ADAM9: variants seen among roughly 807,000 people sequenced by gnomAD.
ADAM9 encodes the protein disintegrin and metalloproteinase domain-containing protein 9.
A neutral mutation model predicts 108.1 loss-of-function variants in ADAM9; 54 were observed. That is an observed-to-expected ratio of 0.50 (90% CI 0.40 to 0.63). ADAM9 has a LOEUF of 0.63. Ranked by LOEUF, ADAM9 falls within the 20% of genes least tolerant of loss-of-function variation. The pLI, the probability that ADAM9 is intolerant of heterozygous loss-of-function variation, is 0.00. For synonymous variants in ADAM9, 316 were observed against 336.0 expected (o/e 0.94, Z 0.65); for missense variants, 830 against 997.7 (o/e 0.83, Z 2.26).
chr8:39,056,110 ATATATT>A (rs550054509), intron 14 of ADAM9, among the ~76,000 whole-genome samples: 128 of 152,216 alleles, frequency 8.4e-4, no homozygotes, highest in Non-Finnish European at 1.6e-3. Context: ...ATCTATATTG[ATATATT>A]TATATTATAG....
At chr8:39,087,561 T>C (rs1462376868) in intron 18 of ADAM9, among the ~76,000 whole-genome samples, 1 of 152,242 alleles carries the variant, frequency 6.6e-6, no homozygotes, top group Non-Finnish European at 1.5e-5. Context: ...ATTTTTCCAA[T>C]TGAAGAATCA....
chr8:39,059,484 C>T (rs180809529), intron 14 of ADAM9, among the ~76,000 whole-genome samples: 2 of 152,236 alleles, frequency 1.3e-5, no homozygotes, highest in Non-Finnish European at 2.9e-5. Flanking sequence ...CGCCTCCAAC[C>T]CTGCCACTGT....
intron 12 of ADAM9, among the ~76,000 whole-genome samples, chr8:39,052,869 G>T (rs1230872615): frequency 6.6e-6 from 1 of 152,086 alleles, no homozygotes; most frequent in African/African-American, 2.4e-5. Context: ...GAATGACTTG[G>T]TTAGATGGTA....
intron 16 of ADAM9, among the ~76,000 whole-genome samples, chr8:39,081,777 TGA>T (rs1283351587): frequency 5.3e-5 from 8 of 152,200 alleles, no homozygotes; most frequent in Admixed American, 5.2e-4. Context: ...TTATTTCATT[TGA>T]GCATTTAAAT....
intron 14 of ADAM9, among the ~76,000 whole-genome samples, chr8:39,067,089 C>G (rs993928571): frequency 6.6e-6 from 1 of 152,128 alleles, no homozygotes; most frequent in Non-Finnish European, 1.5e-5. Flanking sequence ...TCTGAGGGCT[C>G]TGTTCTGTTC....
At chr8:38,997,796 C>T (rs949460103) in intron 1 of ADAM9, among the ~76,000 whole-genome samples, 18 of 152,188 alleles carry the variant, frequency 1.2e-4, no homozygotes, top group Non-Finnish European at 2.1e-4. Context: ...CCAAACCATT[C>T]TTAAAAAATC....
intron 1 of ADAM9, among the ~76,000 whole-genome samples, chr8:38,999,825 G>T (rs774037784): frequency 6.6e-6 from 1 of 152,202 alleles, no homozygotes. Flanking sequence ...TCCCCCAAAA[G>T]ATGCAAGCTC....
chr8:39,065,646 C>T (rs183907217), intron 14 of ADAM9, among the ~76,000 whole-genome samples: 1,383 of 103,526 alleles, frequency 0.013, 14 homozygotes, highest in Admixed American at 0.021. Flanking sequence ...GGCGACAGTG[C>T]GAGGCTACAT....
intron 14 of ADAM9, among the ~76,000 whole-genome samples, chr8:39,063,939 G>T (rs984634577): frequency 5.3e-5 from 8 of 152,152 alleles, no homozygotes; most frequent in Non-Finnish European, 1.0e-4. Flanking sequence ...TCTCAGCTCT[G>T]CAACTACCGG....
chr8:39,038,503 A>G (rs1837354147), intron 11 of ADAM9, among the ~76,000 whole-genome samples: 2 of 152,274 alleles, frequency 1.3e-5, no homozygotes, highest in Middle Eastern at 3.4e-3. Flanking sequence ...TGCAGAGCTC[A>G]TCACACCCAC....
chr8:39,085,993 GT>G (rs879500840), intron 18 of ADAM9, among the ~76,000 whole-genome samples: 1 of 149,266 alleles, frequency 6.7e-6, no homozygotes, highest in Admixed American at 6.7e-5. Flanking sequence ...TTTTATTTTT[GT>G]TTTTTTTTCT....
chr8:39,062,152 G>A (rs1009811499), intron 14 of ADAM9, among the ~76,000 whole-genome samples: 2 of 152,052 alleles, frequency 1.3e-5, no homozygotes, highest in African/African-American at 4.8e-5. Flanking sequence ...ATGAATTATG[G>A]GATACACAAA....
intron 11 of ADAM9, 21 bp downstream of exon 11, chr8:39,026,831 T>TC (rs1322944680): frequency 1.2e-6 from 2 of 1,613,872 alleles, no homozygotes; most frequent in East Asian, 4.5e-5. Flanking sequence ...GGGTTCTTCT[T>TC]CTCCTTTATT....
In ADAM9 at chr8:38,996,992, G is replaced by A; in HGVS notation, c.-72G>A. The A allele has an allele frequency of 2.6e-6, 4 of 1,558,820 alleles. No homozygotes were observed. Among genetic ancestry groups the A allele is most frequent in the Non-Finnish European group, 3.5e-6 (4 of 1,156,990 alleles). On this transcript the variant is annotated 5_prime_UTR_variant, in exon 1 of 22. Coordinates refer to ENST00000487273, the MANE Select transcript of ADAM9 (RefSeq NM_003816.3). ...CCGGCCAGACTTGGGGCCCCGGCAGGGTTGGAAAATGATGGAAGAGGCGGA... is the reference window on the plus strand; with the variant it reads ...CCGGCCAGACTTGGGGCCCCGGCAGAGTTGGAAAATGATGGAAGAGGCGGA...
intron 8 of ADAM9, among the ~76,000 whole-genome samples, chr8:39,022,717 G>T (rs575738988): frequency 1.3e-5 from 2 of 151,940 alleles, no homozygotes; most frequent in African/African-American, 4.8e-5. Context: ...AAGTTTTATT[G>T]TATTTTTTTT....
At chr8:39,087,522 C>T (rs1191763732) in intron 18 of ADAM9, among the ~76,000 whole-genome samples, 1 of 152,144 alleles carries the variant, frequency 6.6e-6, no homozygotes, top group African/African-American at 2.4e-5. Flanking sequence ...TCACTGTTAA[C>T]ATTGTAGTGT....
rs189478800 is a variant in ADAM9 at position 39,041,606 on chromosome 8, G to A, written c.1131-340G>A. ...TTCCAATATTTGAAGAACCTTTACT[G>A]TGTTAGATAAATAAAACTTTATTCT... On this transcript the variant is annotated intron_variant, in intron 11 of 21. Transcript: ENST00000487273. Among the ~76,000 whole-genome samples, 200 of 152,300 alleles carry A rather than the reference G, an allele frequency of 1.3e-3. No homozygotes were observed. The Middle Eastern group carries it at 0.014, about 10-fold the overall frequency.
intron 20 of ADAM9, among the ~76,000 whole-genome samples, chr8:39,098,003 C>G (rs1176562167): frequency 6.6e-6 from 1 of 152,162 alleles, no homozygotes; most frequent in Non-Finnish European, 1.5e-5. Flanking sequence ...GCTTATTTTT[C>G]TGATATATCT....
chr8:39,058,394 C>T (rs1351316524), intron 14 of ADAM9, among the ~76,000 whole-genome samples: 1 of 152,174 alleles, frequency 6.6e-6, no homozygotes, highest in African/African-American at 2.4e-5. Flanking sequence ...GGTTCTTTAC[C>T]TGTTAGGGTG....
Sources: allele counts gnomAD v4.1 joint callset (sites outside exome capture counted in the v4.1 genomes callset), GRCh38; gene constraint gnomAD v4.1.1; transcripts MANE v1.5; gene names NCBI Gene and HGNC (gene_info 2026-07-23, HGNC 2026-07-21).